The following CAMTA1 variants were observed in gnomAD, a reference collection of about 807,000 sequenced individuals.
The protein encoded by CAMTA1 is calmodulin binding transcription activator 1, also known as calmodulin-binding transcription activator 1.
In CAMTA1, 27 loss-of-function variants were observed where a neutral mutation model predicts 170.9. The observed-to-expected ratio is 0.16, with a 90% confidence interval of 0.12 to 0.22. CAMTA1 has a LOEUF of 0.22. Among genes scored for constraint, CAMTA1 ranks in the 10% least tolerant of loss-of-function variants. The probability of loss-of-function intolerance (pLI) is 1.00; values close to 1 mark genes in which losing one functional copy is unlikely to be tolerated. For missense variants in CAMTA1, 1,619 were observed against 2,217.2 expected (o/e 0.73, Z 5.42); for synonymous variants, 833 against 891.5 (o/e 0.93, Z 1.17).
intron 5 of CAMTA1, among the ~76,000 whole-genome samples, chr1:7,365,413 C>T (rs926500347): frequency 3.9e-5 from 6 of 152,152 alleles, no homozygotes; most frequent in African/African-American, 1.2e-4. Flanking sequence ...AAAGGAATTC[C>T]TCTCTCCTGT....
At chr1:7,623,120 G>A (rs2095610428) in intron 6 of CAMTA1, among the ~76,000 whole-genome samples, 1 of 152,148 alleles carries the variant, frequency 6.6e-6, no homozygotes, top group African/African-American at 2.4e-5. Context: ...ACCACTTCAT[G>A]CCATCCAGAA....
At chr1:6,816,769 C>T (rs1570395681) in intron 1 of CAMTA1, among the ~76,000 whole-genome samples, 1 of 152,220 alleles carries the variant, frequency 6.6e-6, no homozygotes, top group African/African-American at 2.4e-5. Flanking sequence ...CCGCCTCCCT[C>T]TATGGCAGAG....
At chr1:7,610,142 C>A (rs74055171) in intron 6 of CAMTA1, among the ~76,000 whole-genome samples, 1 of 152,224 alleles carries the variant, frequency 6.6e-6, no homozygotes, top group Non-Finnish European at 1.5e-5. Flanking sequence ...CACACACACA[C>A]GTGCTCACAT....
intron 22 of CAMTA1, among the ~76,000 whole-genome samples, chr1:7,765,227 C>T (rs190267340): frequency 6.6e-6 from 1 of 152,290 alleles, no homozygotes; most frequent in Non-Finnish European, 1.5e-5. Context: ...ACACCACATG[C>T]ATTGCCTTAC....
At chr1:7,091,943 G>A (rs1283373497) in intron 4 of CAMTA1, among the ~76,000 whole-genome samples, 13 of 152,192 alleles carry the variant, frequency 8.5e-5, no homozygotes, top group Non-Finnish European at 1.3e-4. Context: ...GCTGACCTGC[G>A]TTCCGCCAGC....
At chr1:7,378,347 A>C (rs845211) in intron 5 of CAMTA1, among the ~76,000 whole-genome samples, 95,810 of 152,074 alleles carry the variant, frequency 0.63, 31,930 homozygotes, top group Non-Finnish European at 0.74. Context: ...AGCCAAAAGC[A>C]AGAAGCAACC....
intron 5 of CAMTA1, among the ~76,000 whole-genome samples, chr1:7,374,713 G>A (rs1205347931): frequency 6.6e-6 from 1 of 152,240 alleles, no homozygotes; most frequent in Non-Finnish European, 1.5e-5. Flanking sequence ...CAGATACCAG[G>A]ACACTGGAGA....
At chr1:7,544,641 A>G (rs1359059231) in intron 6 of CAMTA1, among the ~76,000 whole-genome samples, 2 of 152,216 alleles carry the variant, frequency 1.3e-5, no homozygotes, top group African/African-American at 4.8e-5. Context: ...TTGCTATAAC[A>G]TAACACCTGA....
chr1:7,736,596 C>A lies in CAMTA1; in HGVS notation c.3263+56C>A. 1 of 1,534,662 alleles carries A rather than the reference C, an allele frequency of 6.5e-7. No individual in the cohort carries two copies. Among genetic ancestry groups the A allele is most frequent in the Non-Finnish European group, 9.0e-7 (1 of 1,110,700 alleles). ...AGCCTCGCACATCCTCGCTCACATTCTTCCTGAGCACTGCCACCCGTGGAA... is the reference window on the plus strand; with the variant it reads ...AGCCTCGCACATCCTCGCTCACATTATTCCTGAGCACTGCCACCCGTGGAA... On this transcript the variant is annotated intron_variant, in intron 13 of 22. Transcript: ENST00000303635. This position sits in a 1 kb window ranked among gnomAD's most constrained non-coding sequence, Gnocchi z 4.5.
At chr1:7,574,997 G>T (rs1203718681) in intron 6 of CAMTA1, among the ~76,000 whole-genome samples, 1 of 152,236 alleles carries the variant, frequency 6.6e-6, no homozygotes, top group African/African-American at 2.4e-5. Flanking sequence ...CTGGGCTGCT[G>T]CTTCATGCAC....
chr1:7,206,294 CAAG>C (rs1657723928), intron 4 of CAMTA1, among the ~76,000 whole-genome samples: 1 of 152,108 alleles, frequency 6.6e-6, no homozygotes, highest in African/African-American at 2.4e-5. Context: ...TTGTCTCATC[CAAG>C]AAGAATTTAT....
intron 5 of CAMTA1, among the ~76,000 whole-genome samples, chr1:7,310,109 T>A (rs530907235): frequency 6.6e-6 from 1 of 152,370 alleles, no homozygotes; most frequent in South Asian, 2.1e-4. Context: ...GAATTACTTG[T>A]CTGCTGGCAA....
At chr1:7,069,661 G>C (rs1186346940) in intron 3 of CAMTA1, among the ~76,000 whole-genome samples, 2 of 152,044 alleles carry the variant, frequency 1.3e-5, no homozygotes, top group Non-Finnish European at 2.9e-5. Context: ...AGAGAGCCTG[G>C]ACAGCAGGCT....
rs1455822439 is a variant in CAMTA1 at position 7,065,572 on chromosome 1, G to A, written c.235-25732G>A. 2.6e-5 allele frequency among the ~76,000 whole-genome samples: 4 copies of A among 152,124 alleles called. No individual in the cohort carries two copies. The highest frequency in any genetic ancestry group is 6.5e-5 in the Admixed American group (1 of 15,280). Reference sequence around the variant, plus strand: ...GGGGACAGGAGATGGGATCCAGGGCGCAGCTGGAGGGATTCTACCTGGAGC... The same window carrying A: ...GGGGACAGGAGATGGGATCCAGGGCACAGCTGGAGGGATTCTACCTGGAGC... On this transcript the variant is annotated intron_variant, in intron 3 of 22. Coordinates refer to ENST00000303635, the MANE Select transcript of CAMTA1 (RefSeq NM_015215.4). The surrounding 1 kb of genome is among the most constrained non-coding windows in gnomAD (Gnocchi z 5.2).
chr1:7,542,749 G>C (rs889557613), intron 6 of CAMTA1, among the ~76,000 whole-genome samples: 1 of 151,934 alleles, frequency 6.6e-6, no homozygotes, highest in Non-Finnish European at 1.5e-5. Context: ...GACTGATCTT[G>C]AACTCCTGGC....
intron 5 of CAMTA1, among the ~76,000 whole-genome samples, chr1:7,431,013 T>C (rs1175187107): frequency 1.3e-5 from 2 of 152,264 alleles, no homozygotes; most frequent in Admixed American, 6.5e-5. Context: ...TTTAATATGC[T>C]GCATAGTTTT....
chr1:7,131,380 A>T (rs575915695), intron 4 of CAMTA1, among the ~76,000 whole-genome samples: 60 of 152,308 alleles, frequency 3.9e-4, no homozygotes, highest in Non-Finnish European at 8.1e-4. Context: ...ATAAAGGAAG[A>T]AATCCTTGTC....
At chr1:7,742,688 T>C (rs574437762) in intron 16 of CAMTA1, among the ~76,000 whole-genome samples, 1 of 152,352 alleles carries the variant, frequency 6.6e-6, no homozygotes, top group South Asian at 2.1e-4. Context: ...AAAGTGATTG[T>C]AGAGTGATAA....
chr1:7,347,383 G>A (rs893464329), intron 5 of CAMTA1, among the ~76,000 whole-genome samples: 3 of 152,176 alleles, frequency 2.0e-5, no homozygotes, highest in African/African-American at 4.8e-5. Flanking sequence ...CCAGCCAGTC[G>A]GGCCTCTGCC....
Sources: allele counts gnomAD v4.1 joint callset (sites outside exome capture counted in the v4.1 genomes callset), GRCh38; gene constraint gnomAD v4.1.1; non-coding constraint Gnocchi (gnomAD v3.1); transcripts MANE v1.5; gene names NCBI Gene and HGNC (gene_info 2026-07-23, HGNC 2026-07-21).